The following SLC12A3 variants were observed in gnomAD, a reference collection of about 807,000 sequenced individuals.
SLC12A3 encodes solute carrier family 12 member 3.
In SLC12A3, 104 loss-of-function variants were observed where a neutral mutation model predicts 121.0. That is an observed-to-expected ratio of 0.86 (90% CI 0.73 to 1.01). The LOEUF (loss-of-function observed/expected upper bound fraction) is 1.01. Among genes scored for constraint, SLC12A3 ranks in the 50% least tolerant of loss-of-function variants. SLC12A3 has a pLI of 0.00. For missense variants in SLC12A3, 1,328 were observed against 1,356.3 expected (o/e 0.98, Z 0.33); for synonymous variants, 536 against 533.4 (o/e 1.00, Z -0.07).
chr16:56,880,340 C>T lies in SLC12A3; in HGVS notation c.1567+87C>T, dbSNP rs2055224273. On this transcript the variant is annotated intron_variant, in intron 12 of 25. Coordinates refer to ENST00000563236, the MANE Select transcript of SLC12A3 (RefSeq NM_001126108.2). Reference sequence around the variant, plus strand: ...CTTGGGGGCCGGGCTCTTCTCCTGTCTCCTCATCTCCCCGCCGGGCCTGAC... The same window carrying T: ...CTTGGGGGCCGGGCTCTTCTCCTGTTTCCTCATCTCCCCGCCGGGCCTGAC... 4.8e-6 allele frequency: 7 copies of T among 1,471,258 alleles called. No individual in the cohort carries two copies. The South Asian group carries it at 7.4e-5, about 15-fold the overall frequency. The allele number at this position is 1,471,258 out of a possible 1,614,324, so 91.1% of individuals were successfully genotyped here. A position where few individuals can be genotyped will look rare whatever the true frequency, so the allele number is the denominator to read the frequency against.
Position 56,913,512 on chromosome 16 carries a change from G to A in SLC12A3, c.*107G>A. 1 of 1,169,868 alleles carries A rather than the reference G, an allele frequency of 8.5e-7. No individual in the cohort carries two copies. The highest frequency in any genetic ancestry group is 1.3e-6 in the Non-Finnish European group (1 of 776,188). 72.5% of individuals were successfully genotyped at this position (1,169,868 alleles called of 1,614,324 possible). A position where few individuals can be genotyped will look rare whatever the true frequency, so the allele number is the denominator to read the frequency against. ...AGACTCATGTTCTGTTGCACTTTAA[G>A]TGGCAGCATCTGATGATCTCACCGA... is the stretch of plus-strand genomic sequence containing the variant. On this transcript the variant is annotated 3_prime_UTR_variant, in exon 26 of 26. Transcript: ENST00000563236.
intron 22 of SLC12A3, among the ~76,000 whole-genome samples, chr16:56,898,327 C>T (rs988529120): frequency 2.0e-5 from 3 of 151,980 alleles, no homozygotes; most frequent in African/African-American, 4.8e-5. Flanking sequence ...GGAGTGCAGT[C>T]GGCTCACTGC....
intron 21 of SLC12A3, among the ~76,000 whole-genome samples, chr16:56,894,257 G>A (rs976096180): frequency 2.6e-5 from 4 of 152,010 alleles, no homozygotes; most frequent in Admixed American, 6.6e-5. Context: ...CACCTGCCTC[G>A]GCCTCCCATA....
At position 56,877,657 on chromosome 16, in the gene SLC12A3, G is replaced by A. The variant is rs530488904; in HGVS notation, c.1096-420G>A. On this transcript the variant is annotated intron_variant, in intron 8 of 25. Coordinates refer to ENST00000563236, the MANE Select transcript of SLC12A3 (RefSeq NM_001126108.2). Reference sequence around the variant, plus strand: ...TGAGGGGCCGGGGTGTGAGAGCACAGCCCCCTGCCCAGCTGGCCGCCTGGA... The same window carrying A: ...TGAGGGGCCGGGGTGTGAGAGCACAACCCCCTGCCCAGCTGGCCGCCTGGA... Among the ~76,000 whole-genome samples the A allele has an allele frequency of 2.4e-4, 37 of 152,300 alleles. No individual in the cohort carries two copies. In the South Asian group the frequency reaches 4.1e-3, roughly 17 times the overall value.
intron 25 of SLC12A3, among the ~76,000 whole-genome samples, chr16:56,910,429 G>A (rs553019256): frequency 2.0e-5 from 3 of 152,114 alleles, no homozygotes; most frequent in Admixed American, 6.5e-5. Context: ...CCCACCTCCC[G>A]GGACTCAAAC....
At chr16:56,905,338 CAA>C (rs59206129) in intron 25 of SLC12A3, among the ~76,000 whole-genome samples, 67 of 50,756 alleles carry the variant, frequency 1.3e-3, no homozygotes, top group African/African-American at 4.0e-3. Context: ...AACTCCGTCT[CAA>C]AAAAAAAAAA....
At chr16:56,866,981 G>C in intron 1 of SLC12A3, 89 bp from the exon 2 acceptor site, 1 of 1,559,292 alleles carries the variant, frequency 6.4e-7, no homozygotes, top group East Asian at 2.2e-5. Flanking sequence ...GCTCGGTATG[G>C]GGCGCAGTGG....
In SLC12A3 at chr16:56,887,128, C is replaced by T. The variant is rs8056861; in HGVS notation, c.2178+35C>T. 27,227 of 1,613,220 alleles carry T rather than the reference C, an allele frequency of 0.017. 448 individuals carry two copies. The highest frequency in any genetic ancestry group is 0.061 in the African/African-American group (4,583 of 75,048). ...ACTGGGGGCTCCCCTACAGGACTTA[C>T]GGCTTGGTGGCACAACCTGGAAGGC... On this transcript the variant is annotated intron_variant, in intron 17 of 25. Transcript: ENST00000563236.
intron 1 of SLC12A3, among the ~76,000 whole-genome samples, chr16:56,866,111 G>A (rs1037750985): frequency 2.6e-5 from 4 of 151,628 alleles, no homozygotes; most frequent in Admixed American, 6.6e-5. Context: ...TCAGCCTCCC[G>A]AGTAGCTGGG....
chr16:56,893,965 TTTTTA>T (rs201991867), intron 21 of SLC12A3, among the ~76,000 whole-genome samples: 1 of 136,776 alleles, frequency 7.3e-6, no homozygotes, highest in East Asian at 2.3e-4. Flanking sequence ...TTTATTTTTA[TTTTTA>T]TTTTATTTAT....
Position 56,885,338 on chromosome 16 carries a change from G to A in SLC12A3, c.1899G>A (p.Glu633=), listed in dbSNP as rs1489892274. Residue 633 remains glutamate (E), a synonymous_variant, in exon 15 of 26, where the codon GAG becomes GAA. Coordinates refer to ENST00000563236, the MANE Select transcript of SLC12A3 (RefSeq NM_001126108.2). ...LALSYSVGLN[E]VEDHIKNYRP... Reference sequence around the variant, plus strand: ...TCAGCTACTCGGTGGGCCTCAATGAGGTGGAAGACCACATCAAGAACTACC... The same window carrying A: ...TCAGCTACTCGGTGGGCCTCAATGAAGTGGAAGACCACATCAAGAACTACC... 1.9e-6 allele frequency: 3 copies of A among 1,554,946 alleles called. No individual in the cohort carries two copies. The highest frequency in any genetic ancestry group is 3.9e-5 in the Admixed American group (2 of 51,500).
Position 56,899,886 on chromosome 16 carries a change from C to G in SLC12A3, c.2720+270C>G, listed in dbSNP as rs116216667. On this transcript the variant is annotated intron_variant, in intron 23 of 25. Coordinates refer to ENST00000563236, the MANE Select transcript of SLC12A3 (RefSeq NM_001126108.2). ...TGGGAGAGGGGAAAAGGTGAGTGAC[C>G]TGGGCAACAACTTCCTTCCTCCTTC... Among the ~76,000 whole-genome samples the G allele has an allele frequency of 4.0e-3, 613 of 152,310 alleles. 6 individuals are homozygous for G. The highest frequency in any genetic ancestry group is 0.014 in the African/African-American group (586 of 41,570).
At chr16:56,876,199 C>T (rs1199819580) in intron 8 of SLC12A3, among the ~76,000 whole-genome samples, 3 of 152,154 alleles carry the variant, frequency 2.0e-5, no homozygotes, top group Non-Finnish European at 4.4e-5. Context: ...TCTGTGGGTC[C>T]TTTCCTTGTA....
intron 21 of SLC12A3, 117 bp downstream of exon 21, chr16:56,893,171 G>C: frequency 1.2e-6 from 1 of 834,982 alleles, no homozygotes; most frequent in Non-Finnish European, 2.0e-6. Context: ...GGGCCCAGCA[G>C]TGAGCTCAGG....
chr16:56,908,164 T>C (rs2055633927), intron 25 of SLC12A3, among the ~76,000 whole-genome samples: 1 of 141,096 alleles, frequency 7.1e-6, no homozygotes, highest in Admixed American at 7.0e-5. Flanking sequence ...GATATAACTT[T>C]TTTTTTTTTT....
rs1172752281 is a variant in SLC12A3 at position 56,879,191 on chromosome 16, G to A, written c.1299G>A (p.Gln433=). ...GGAACTTCACCGAGTGCACCCAGCA[G>A]CACAGCTGCCACTACGGCCTCATCA... The part of the protein sequence containing the change: ...YGWNFTECTQ[Q]HSCHYGLINY... Residue 433 remains glutamine, a synonymous_variant, in exon 10 of 26, where the codon CAG becomes CAA. Transcript: ENST00000563236. The A allele has an allele frequency of 1.9e-6, 3 of 1,613,148 alleles. No homozygotes were observed. The highest frequency in any genetic ancestry group is 2.5e-6 in the Non-Finnish European group (3 of 1,180,028).
chr16:56,870,791 G>A lies in SLC12A3; in HGVS notation c.852+55G>A, dbSNP rs569666210. On this transcript the variant is annotated intron_variant, in intron 6 of 25. Coordinates refer to ENST00000563236, the MANE Select transcript of SLC12A3 (RefSeq NM_001126108.2). ...GAGGTGGTCACGTGGAGAAGCGGGGGTTGCCAGGCCTGGGCCCTCCCTGGT... is the reference window on the plus strand; with the variant it reads ...GAGGTGGTCACGTGGAGAAGCGGGGATTGCCAGGCCTGGGCCCTCCCTGGT... 107 of 1,107,920 alleles carry A rather than the reference G, an allele frequency of 9.7e-5. No homozygotes were observed. The East Asian group carries it at 2.2e-3, about 23-fold the overall frequency. The allele number at this position is 1,107,920 out of a possible 1,614,324, so 68.6% of individuals were successfully genotyped here. A position where few individuals can be genotyped will look rare whatever the true frequency, so the allele number is the denominator to read the frequency against.
chr16:56,878,055 C>CCTCTCTCCCTCCCTCCCTCCCTCT, intron 8 of SLC12A3, 22 bp from the exon 9 acceptor site: 2 of 885,668 alleles, frequency 2.3e-6, no homozygotes, highest in Non-Finnish European at 3.5e-6. Context: ...TCCCTCCCTC[C>CCTCTCTCCCTCCCTCCCTCCCTCT]CTCTCTCCCT....
chr16:56,899,750 A>T (rs146047608), intron 23 of SLC12A3, 134 bp downstream of exon 23: 1 of 730,308 alleles, frequency 1.4e-6, no homozygotes, highest in East Asian at 2.7e-5. Flanking sequence ...GATGTGTCAG[A>T]GGGCACAACT....
Sources: allele counts gnomAD v4.1 joint callset (sites outside exome capture counted in the v4.1 genomes callset), GRCh38; gene constraint gnomAD v4.1.1; transcripts MANE v1.5; gene names NCBI Gene and HGNC (gene_info 2026-07-23, HGNC 2026-07-21).